The following HS3ST4 variants were observed in gnomAD, a reference collection of about 807,000 sequenced individuals.
HS3ST4 encodes the protein heparan sulfate glucosamine 3-O-sulfotransferase 4.
HS3ST4 carries 17 observed loss-of-function variants against 29.2 expected under a neutral mutation model. The ratio of observed to expected loss-of-function variants is 0.58; its 90% confidence interval spans 0.40 to 0.87. HS3ST4 has a LOEUF of 0.87. HS3ST4 is among the 40% of genes least tolerant of loss of function. The probability of loss-of-function intolerance (pLI) is 0.00; values close to 1 mark genes in which losing one functional copy is unlikely to be tolerated. For missense variants in HS3ST4, 627 were observed against 634.5 expected (o/e 0.99, Z 0.13); for synonymous variants, 314 against 285.7 (o/e 1.10, Z -1.00).
intron 1 of HS3ST4, among the ~76,000 whole-genome samples, chr16:25,750,445 A>G (rs141085587): frequency 6.6e-5 from 10 of 152,354 alleles, no homozygotes; most frequent in African/African-American, 2.4e-4. Flanking sequence ...GAGAAATGTC[A>G]TGGACTTTGC....
intron 1 of HS3ST4, among the ~76,000 whole-genome samples, chr16:25,777,410 A>G (rs1482674102): frequency 8.2e-6 from 1 of 121,504 alleles, no homozygotes; most frequent in Non-Finnish European, 1.7e-5. Context: ...AAAGCACACC[A>G]AAGTGTGTGT....
At chr16:25,798,306 G>T (rs1232186695) in intron 1 of HS3ST4, among the ~76,000 whole-genome samples, 1 of 152,142 alleles carries the variant, frequency 6.6e-6, no homozygotes, top group East Asian at 1.9e-4. Flanking sequence ...TAACAAATCA[G>T]CCCCAAATCT....
At chr16:25,911,641 G>C in intron 1 of HS3ST4, among the ~76,000 whole-genome samples, 1 of 151,312 alleles carries the variant, frequency 6.6e-6, no homozygotes, top group Admixed American at 6.6e-5. Context: ...TTAGTAGCTG[G>C]GACTATTACT....
intron 1 of HS3ST4, among the ~76,000 whole-genome samples, chr16:26,086,347 T>G (rs1208844276): frequency 9.2e-6 from 1 of 109,106 alleles, no homozygotes; most frequent in Non-Finnish European, 2.0e-5. Context: ...TCTTTTTCTT[T>G]TCTTTTTTTT....
intron 1 of HS3ST4, among the ~76,000 whole-genome samples, chr16:26,020,452 G>A (rs963722996): frequency 1.3e-5 from 2 of 152,186 alleles, no homozygotes; most frequent in Non-Finnish European, 2.9e-5. Context: ...ACAGCCAAAC[G>A]AGAGATGATC....
At chr16:26,073,478 G>A (rs1004093243) in intron 1 of HS3ST4, among the ~76,000 whole-genome samples, 19 of 152,152 alleles carry the variant, frequency 1.2e-4, no homozygotes, top group African/African-American at 4.6e-4. Flanking sequence ...AGGCTCAGGT[G>A]ACCCTCCCAC....
At chr16:25,833,519 A>G (rs1967326916) in intron 1 of HS3ST4, among the ~76,000 whole-genome samples, 1 of 152,202 alleles carries the variant, frequency 6.6e-6, no homozygotes, top group African/African-American at 2.4e-5. Flanking sequence ...AGTACCTGAT[A>G]TATCATAAGC....
At chr16:25,983,824 G>C (rs11866361) in intron 1 of HS3ST4, among the ~76,000 whole-genome samples, 1 of 152,164 alleles carries the variant, frequency 6.6e-6, no homozygotes. Context: ...AGTAATTTCA[G>C]GGTTGGTGGT....
intron 1 of HS3ST4, among the ~76,000 whole-genome samples, chr16:25,897,763 G>A (rs904649756): frequency 6.6e-6 from 1 of 152,082 alleles, no homozygotes; most frequent in Admixed American, 6.5e-5. Flanking sequence ...TCCTGGCAGG[G>A]CTGCCTCACT....
chr16:25,767,729 G>A (rs1966829453), intron 1 of HS3ST4, among the ~76,000 whole-genome samples: 1 of 152,130 alleles, frequency 6.6e-6, no homozygotes, highest in Non-Finnish European at 1.5e-5. Context: ...CGAGTACTCA[G>A]CCATGTCTGG....
intron 1 of HS3ST4, among the ~76,000 whole-genome samples, chr16:25,714,962 T>G (rs1260219161): frequency 6.6e-6 from 1 of 152,244 alleles, no homozygotes; most frequent in Admixed American, 6.5e-5. Context: ...GAAGACAATC[T>G]TATTTCTAAG....
intron 1 of HS3ST4, among the ~76,000 whole-genome samples, chr16:26,023,876 T>G (rs1486659693): frequency 6.6e-5 from 10 of 152,196 alleles, no homozygotes; most frequent in Admixed American, 6.5e-4. Flanking sequence ...TTATTGAGAT[T>G]GAGTCTCAGT....
chr16:25,709,076 T>G (rs1966397755), intron 1 of HS3ST4, among the ~76,000 whole-genome samples: 1 of 151,414 alleles, frequency 6.6e-6, no homozygotes, highest in African/African-American at 2.4e-5. Context: ...GTCCCAGGAA[T>G]TGGGGATATC....
At chr16:26,036,476 G>A (rs1969584513) in intron 1 of HS3ST4, among the ~76,000 whole-genome samples, 1 of 152,152 alleles carries the variant, frequency 6.6e-6, no homozygotes, top group Admixed American at 6.5e-5. Flanking sequence ...TCATTTGTCT[G>A]TATCAGATCT....
In HS3ST4 at chr16:25,841,708, G is replaced by A. The variant is rs1426543205; in HGVS notation, c.734+148557G>A. Among the ~76,000 whole-genome samples the A allele has an allele frequency of 1.4e-4, 21 of 152,156 alleles. 1 individual carries two copies. The highest frequency in any genetic ancestry group is 1.2e-3 in the Admixed American group (19 of 15,274). On this transcript the variant is annotated intron_variant, in intron 1 of 1. Transcript: ENST00000331351. ...TGTGTCATTAGATTCACCTTCCCGAGTAGGTCTCAATTGTCTTCCAGTCTA... is the reference window on the plus strand; with the variant it reads ...TGTGTCATTAGATTCACCTTCCCGAATAGGTCTCAATTGTCTTCCAGTCTA...
chr16:26,124,202 G>A (rs1201214445), intron 1 of HS3ST4, among the ~76,000 whole-genome samples: 1 of 152,202 alleles, frequency 6.6e-6, no homozygotes, highest in Non-Finnish European at 1.5e-5. Flanking sequence ...TTACAGGCAT[G>A]AGCCACTGCA....
chr16:25,815,579 C>A (rs954468766), intron 1 of HS3ST4, among the ~76,000 whole-genome samples: 1 of 152,100 alleles, frequency 6.6e-6, no homozygotes, highest in Non-Finnish European at 1.5e-5. Context: ...CCCCTTGACC[C>A]CCCACAGTGC....
chr16:26,051,769 CCA>C (rs935823056), intron 1 of HS3ST4, among the ~76,000 whole-genome samples: 1 of 151,598 alleles, frequency 6.6e-6, no homozygotes, highest in East Asian at 2.0e-4. Flanking sequence ...CCTCCCCACC[CCA>C]CACACTTTCT....
At chr16:25,795,240 G>A (rs1437084689) in intron 1 of HS3ST4, among the ~76,000 whole-genome samples, 1 of 151,878 alleles carries the variant, frequency 6.6e-6, no homozygotes, top group Non-Finnish European at 1.5e-5. Flanking sequence ...CAAAGTGCTG[G>A]GATTACAGGC....
Sources: allele counts gnomAD v4.1 joint callset (sites outside exome capture counted in the v4.1 genomes callset), GRCh38; gene constraint gnomAD v4.1.1; transcripts MANE v1.5; gene names NCBI Gene and HGNC (gene_info 2026-07-23, HGNC 2026-07-21).